Variants in ZFAND3 observed in about 807,000 individuals in gnomAD.
The protein encoded by ZFAND3 is AN1-type zinc finger protein 3.
ZFAND3 carries 10 observed loss-of-function variants against 29.6 expected under a neutral mutation model. That is an observed-to-expected ratio of 0.34 (90% confidence interval 0.21 to 0.57). ZFAND3 has a LOEUF of 0.57. ZFAND3 is among the 20% of genes least tolerant of loss of function. The pLI is 0.86. For synonymous variants in ZFAND3, 128 were observed against 112.6 expected, an observed-to-expected ratio of 1.14 and a Z score of -0.87; for missense variants, 230 against 304.5, an observed-to-expected ratio of 0.76 and a Z score of 1.82.
intron 2 of ZFAND3, among the ~76,000 whole-genome samples, chr6:38,026,404 A>G (rs1450466369): frequency 1.1e-5 from 1 of 92,902 alleles, no homozygotes; most frequent in Non-Finnish European, 2.2e-5. Context: ...AGCATTTATT[A>G]TTTGTATTAC....
intron 3 of ZFAND3, 55 bp downstream of exon 3, chr6:38,061,830 G>T (rs866560028): frequency 1.3e-6 from 2 of 1,579,700 alleles, no homozygotes; most frequent in South Asian, 1.2e-5. Flanking sequence ...AACTTTAGAT[G>T]AGCATCTTGG....
At chr6:38,101,167 C>T (rs1414389569) in intron 4 of ZFAND3, among the ~76,000 whole-genome samples, 2 of 152,304 alleles carry the variant, frequency 1.3e-5, no homozygotes, top group African/African-American at 4.8e-5. Flanking sequence ...ATACTAAAGA[C>T]AATTTTCATA....
At chr6:37,876,843 A>G (rs1445643474) in intron 1 of ZFAND3, among the ~76,000 whole-genome samples, 1 of 152,216 alleles carries the variant, frequency 6.6e-6, no homozygotes, top group Non-Finnish European at 1.5e-5. Flanking sequence ...AGATTAAAAT[A>G]CACGTACATA....
chr6:37,917,877 G>A (rs568673487), intron 1 of ZFAND3, among the ~76,000 whole-genome samples: 221 of 152,242 alleles, frequency 1.5e-3, no homozygotes, highest in African/African-American at 4.9e-3. Flanking sequence ...TTGAACAAAT[G>A]AAAGATGTTG....
In ZFAND3 at chr6:37,837,081, G is replaced by A. The variant is rs768720925; in HGVS notation, c.71+17065G>A. ...GATTCCATGTCTCTCCCCCTCCCCC[G>A]TATAGGTTGAGATGTCATAGAAAGA... On this transcript the variant is annotated intron_variant, in intron 1 of 5. Coordinates refer to ENST00000287218, the MANE Select transcript of ZFAND3 (RefSeq NM_021943.3). Among the ~76,000 whole-genome samples, 9 of 152,134 alleles carry A rather than the reference G, an allele frequency of 5.9e-5. No homozygotes were observed. In the East Asian group the frequency reaches 1.2e-3, roughly 20 times the overall value.
At chr6:37,910,439 T>C (rs994421139) in intron 1 of ZFAND3, among the ~76,000 whole-genome samples, 2 of 152,216 alleles carry the variant, frequency 1.3e-5, no homozygotes, top group African/African-American at 4.8e-5. Flanking sequence ...GAAGGTACTC[T>C]TTCTAGATTT....
At chr6:38,124,016 C>T (rs1300191946) in intron 5 of ZFAND3, among the ~76,000 whole-genome samples, 1 of 152,144 alleles carries the variant, frequency 6.6e-6, no homozygotes, top group East Asian at 1.9e-4. Context: ...CCACCCACAT[C>T]CTGCTGATGG....
At chr6:37,961,769 T>TAG (rs1762202960) in intron 2 of ZFAND3, among the ~76,000 whole-genome samples, 1 of 152,188 alleles carries the variant, frequency 6.6e-6, no homozygotes, top group Non-Finnish European at 1.5e-5. Flanking sequence ...AGGTGGTACC[T>TAG]CTTAAGAGTC....
intron 2 of ZFAND3, among the ~76,000 whole-genome samples, chr6:38,043,071 A>G (rs1285185553): frequency 6.6e-6 from 1 of 152,220 alleles, no homozygotes; most frequent in African/African-American, 2.4e-5. Context: ...GTGATCTAAT[A>G]TACACATAAG....
chr6:37,895,321 T>C (rs1163881863), intron 1 of ZFAND3, among the ~76,000 whole-genome samples: 1 of 151,806 alleles, frequency 6.6e-6, no homozygotes, highest in Non-Finnish European at 1.5e-5. Flanking sequence ...CTGTAAGAGT[T>C]CTATTACGTT....
chr6:38,010,235 T>C (rs184572026), intron 2 of ZFAND3, among the ~76,000 whole-genome samples: 1 of 152,234 alleles, frequency 6.6e-6, no homozygotes, highest in African/African-American at 2.4e-5. Context: ...GACTCATCAA[T>C]GAACCTAGCA....
At chr6:38,030,364 G>GTT (rs973680377) in intron 2 of ZFAND3, among the ~76,000 whole-genome samples, 9 of 151,570 alleles carry the variant, frequency 5.9e-5, no homozygotes, top group Non-Finnish European at 4.4e-5. Flanking sequence ...AGTAAGCACT[G>GTT]TTTTTTTCTC....
At chr6:37,832,096 A>G (rs533568571) in intron 1 of ZFAND3, among the ~76,000 whole-genome samples, 3 of 152,344 alleles carry the variant, frequency 2.0e-5, no homozygotes, top group East Asian at 3.9e-4. Context: ...TGCATAAAAC[A>G]AAACACTTGT....
chr6:37,892,692 A>G (rs955686714), intron 1 of ZFAND3, among the ~76,000 whole-genome samples: 1 of 152,232 alleles, frequency 6.6e-6, no homozygotes, highest in Non-Finnish European at 1.5e-5. Context: ...AAGAGCAACA[A>G]AATTGACAAA....
chr6:37,990,543 A>G (rs1254572211), intron 2 of ZFAND3, among the ~76,000 whole-genome samples: 1 of 152,230 alleles, frequency 6.6e-6, no homozygotes, highest in African/African-American at 2.4e-5. Flanking sequence ...AGTGCTGCTC[A>G]ATAAAAATAT....
At chr6:37,831,106 T>C (rs1283608218) in intron 1 of ZFAND3, among the ~76,000 whole-genome samples, 2 of 152,250 alleles carry the variant, frequency 1.3e-5, no homozygotes, top group Non-Finnish European at 2.9e-5. Flanking sequence ...GACGTGAGTT[T>C]ACCTCTGTGT....
chr6:37,900,626 T>A (rs1049100436), intron 1 of ZFAND3, among the ~76,000 whole-genome samples: 1 of 152,224 alleles, frequency 6.6e-6, no homozygotes, highest in African/African-American at 2.4e-5. Context: ...GTTGTTAGTA[T>A]TTGTAGTAAC....
At chr6:37,871,223 C>T (rs1764690052) in intron 1 of ZFAND3, among the ~76,000 whole-genome samples, 1 of 152,198 alleles carries the variant, frequency 6.6e-6, no homozygotes, top group African/African-American at 2.4e-5. Context: ...TCTAAGTTTA[C>T]TGACTCTTCC....
intron 2 of ZFAND3, among the ~76,000 whole-genome samples, chr6:37,963,097 C>T (rs1762227863): frequency 6.6e-6 from 1 of 152,196 alleles, no homozygotes; most frequent in Admixed American, 6.5e-5. Context: ...GACACACCAT[C>T]TTTATGAACT....
Sources: allele counts gnomAD v4.1 joint callset (sites outside exome capture counted in the v4.1 genomes callset), GRCh38; gene constraint gnomAD v4.1.1; transcripts MANE v1.5; gene names NCBI Gene and HGNC (gene_info 2026-07-23, HGNC 2026-07-21).